Variants in SLC25A32 observed in about 807,000 individuals in gnomAD.
SLC25A32 encodes Glycine auxotroph B, complementation of hamster.
Under a neutral mutation model 39.0 loss-of-function variants are expected in SLC25A32, and 32 were observed. The ratio of observed to expected loss-of-function variants is 0.82; its 90% CI spans 0.62 to 1.10. SLC25A32 has a LOEUF of 1.10. SLC25A32 is among the 50% of genes least tolerant of loss of function. The probability of loss-of-function intolerance (pLI) is 0.00; values close to 1 mark genes in which losing one functional copy is unlikely to be tolerated. For missense variants in SLC25A32, 367 were observed against 395.3 expected, an observed-to-expected ratio of 0.93 and a Z score of 0.61; for synonymous variants, 166 against 152.4, an observed-to-expected ratio of 1.09 and a Z score of -0.66.
At position 103,404,854 on chromosome 8, in the gene SLC25A32, C is replaced by CTAAAAGA. The variant is rs1200658785; in HGVS notation, c.312_313insTCTTTTA (p.Ala105SerfsTer8). 2 of 1,606,904 alleles carry CTAAAAGA rather than the reference C, an allele frequency of 1.2e-6. No individual in the cohort carries two copies. The highest frequency in any genetic ancestry group is 2.7e-5 in the African/African-American group (2 of 74,896). Reference sequence around the variant, plus strand: ...CCTTCTGTTTTATATGACTTGATGGCATTGTAACTAAAAGAATTAAATGTG... The same window carrying CTAAAAGA: ...CCTTCTGTTTTATATGACTTGATGGCTAAAAGAATTGTAACTAAAAGAATTAAATGTG... On this transcript the variant is annotated frameshift_variant, in exon 3 of 7. Transcript: ENST00000297578. LOFTEE classifies it high-confidence loss of function.
At chr8:103,404,922 T>C (rs1410732209) in intron 2 of SLC25A32, 61 bp from the exon 3 acceptor site, 1 of 1,192,418 alleles carries the variant, frequency 8.4e-7, no homozygotes, top group Non-Finnish European at 1.2e-6. Context: ...TGTTTTAAAG[T>C]GTATGTAAGT....
At chr8:103,414,652 G>T in intron 1 of SLC25A32, 132 bp downstream of exon 1, 1 of 1,311,000 alleles carries the variant, frequency 7.6e-7, no homozygotes. Context: ...CTCAAATCTA[G>T]TTCAGGTTAG....
intron 4 of SLC25A32, among the ~76,000 whole-genome samples, chr8:103,402,872 G>C (rs891247202): frequency 2.0e-5 from 3 of 152,138 alleles, no homozygotes; most frequent in African/African-American, 4.8e-5. Context: ...TCCAAGGAAT[G>C]GAGTAAGGAA....
intron 1 of SLC25A32, among the ~76,000 whole-genome samples, chr8:103,412,677 G>T (rs1469819954): frequency 2.6e-5 from 4 of 152,026 alleles, no homozygotes; most frequent in African/African-American, 9.7e-5. Flanking sequence ...ATATCTTGAG[G>T]TTTTTTTCTC....
intron 2 of SLC25A32, among the ~76,000 whole-genome samples, chr8:103,406,492 A>C (rs1281083974): frequency 6.6e-6 from 1 of 152,258 alleles, no homozygotes; most frequent in African/African-American, 2.4e-5. Context: ...GTTTGTGTCC[A>C]TGTTCTTGTT....
intron 1 of SLC25A32, among the ~76,000 whole-genome samples, chr8:103,411,596 C>G (rs1294245690): frequency 6.6e-6 from 1 of 152,202 alleles, no homozygotes; most frequent in Admixed American, 6.5e-5. Flanking sequence ...TCATTTAACA[C>G]CACATTTTCT....
At chr8:103,409,011 C>T (rs192928583) in intron 1 of SLC25A32, among the ~76,000 whole-genome samples, 45 of 152,262 alleles carry the variant, frequency 3.0e-4, no homozygotes, top group African/African-American at 1.0e-3. Flanking sequence ...CATTTCATCT[C>T]TCTGTAGGAA....
Position 103,400,396 on chromosome 8 carries a change from T to C in SLC25A32, c.*15A>G, listed in dbSNP as rs561674833. ...GCTGCCTTGGGCAGATATACTGGAATTGTCCTCTTTGAGCTTACTTTCTCT... is the reference window on the plus strand; with the variant it reads ...GCTGCCTTGGGCAGATATACTGGAACTGTCCTCTTTGAGCTTACTTTCTCT... On this transcript the variant is annotated 3_prime_UTR_variant, in exon 7 of 7. Coordinates refer to ENST00000297578, the MANE Select transcript of SLC25A32 (RefSeq NM_030780.5). 6.2e-7 allele frequency: 1 copy of C among 1,613,882 alleles called. No homozygotes were observed. The highest frequency in any genetic ancestry group is 8.5e-7 in the Non-Finnish European group (1 of 1,179,952).
intron 1 of SLC25A32, among the ~76,000 whole-genome samples, chr8:103,411,256 T>A (rs1467713401): frequency 6.6e-6 from 1 of 152,204 alleles, no homozygotes; most frequent in Non-Finnish European, 1.5e-5. Flanking sequence ...GATACGTTAC[T>A]CTTTATCCTC....
Position 103,401,511 on chromosome 8 carries a change from C to CT in SLC25A32, c.812+4dup. On this transcript the variant is annotated splice_donor_region_variant and intron_variant, in intron 6 of 6. Transcript: ENST00000297578. ...AGCAATTTTTGATATAGCACGTGCT[C>CT]TCACCTCCATGTCTTTGTGATTACA... 1 of 1,611,474 alleles carries CT rather than the reference C, an allele frequency of 6.2e-7. No individual in the cohort carries two copies. Among genetic ancestry groups the CT allele is most frequent in the Non-Finnish European group, 8.5e-7 (1 of 1,178,860 alleles).
chr8:103,402,201 TA>T, intron 4 of SLC25A32, 147 bp from the exon 5 acceptor site: 2 of 551,822 alleles, frequency 3.6e-6, no homozygotes, highest in South Asian at 5.5e-5. Flanking sequence ...AATATGGGGT[TA>T]AAAACTTGTA....
chr8:103,402,226 G>A, intron 4 of SLC25A32, 172 bp from the exon 5 acceptor site: 1 of 491,622 alleles, frequency 2.0e-6, no homozygotes, highest in Non-Finnish European at 3.6e-6. Context: ...TAAAGACATG[G>A]GTAGTATTCT....
chr8:103,406,162 G>A (rs1816329067), intron 2 of SLC25A32, among the ~76,000 whole-genome samples: 1 of 151,530 alleles, frequency 6.6e-6, no homozygotes, highest in Admixed American at 6.6e-5. Context: ...CAAGGGGGGT[G>A]TGTGTGTATA....
At chr8:103,414,463 G>A (rs942433444) in intron 1 of SLC25A32, among the ~76,000 whole-genome samples, 1 of 152,236 alleles carries the variant, frequency 6.6e-6, no homozygotes, top group East Asian at 1.9e-4. Context: ...ATTTGCACGT[G>A]TGAGGACTAA....
intron 1 of SLC25A32, among the ~76,000 whole-genome samples, chr8:103,410,587 T>C (rs3134279): frequency 0.17 from 25,391 of 151,964 alleles, 2,275 homozygotes; most frequent in East Asian, 0.34. Context: ...CATGGAAAAA[T>C]TGTCTTCCAT....
intron 1 of SLC25A32, among the ~76,000 whole-genome samples, chr8:103,411,879 T>C (rs1816474297): frequency 6.6e-6 from 1 of 152,222 alleles, no homozygotes; most frequent in East Asian, 1.9e-4. Flanking sequence ...GAATCATTCT[T>C]TATTTCCATC....
chr8:103,414,535 T>G (rs967058460), intron 1 of SLC25A32, among the ~76,000 whole-genome samples: 7 of 152,226 alleles, frequency 4.6e-5, no homozygotes, highest in Admixed American at 1.3e-4. Context: ...CCATCTTCTC[T>G]GCCAATGAGG....
chr8:103,415,039 C>G lies in SLC25A32; in HGVS notation c.-102G>C, dbSNP rs779935311. The G allele has an allele frequency of 6.3e-7, 1 of 1,594,418 alleles. No homozygotes were observed. On this transcript the variant is annotated 5_prime_UTR_variant, in exon 1 of 7. Transcript: ENST00000297578. Reference sequence around the variant, plus strand: ...ACGGTCGCCCCTTGTGAGCGCAACCCCACCTCCGGGACCAACGAGAGGACT... The same window carrying G: ...ACGGTCGCCCCTTGTGAGCGCAACCGCACCTCCGGGACCAACGAGAGGACT...
At chr8:103,403,409 T>TG (rs1554628801) in intron 3 of SLC25A32, 85 bp from the exon 4 acceptor site, 1 of 237,710 alleles carries the variant, frequency 4.2e-6, no homozygotes, top group African/African-American at 3.0e-5. Context: ...TACATTTATG[T>TG]AAAAAAAAAA....
Sources: allele counts gnomAD v4.1 joint callset (sites outside exome capture counted in the v4.1 genomes callset), GRCh38; gene constraint gnomAD v4.1.1; transcripts MANE v1.5; gene names NCBI Gene and HGNC (gene_info 2026-07-23, HGNC 2026-07-21).